PHACTR4: variants seen among roughly 807,000 people sequenced by gnomAD.
The protein encoded by PHACTR4 is phosphatase and actin regulator 4.
PHACTR4 carries 51 observed loss-of-function variants against 72.7 expected under a neutral mutation model. The ratio of observed to expected loss-of-function variants is 0.70; its 90% confidence interval spans 0.56 to 0.89. The LOEUF (loss-of-function observed/expected upper bound fraction) is 0.89. Among genes scored for constraint, PHACTR4 ranks in the 40% least tolerant of loss-of-function variants. The pLI is 0.00. For missense variants in PHACTR4, 731 were observed against 861.8 expected (o/e 0.85, Z 1.90); for synonymous variants, 255 against 302.5 (o/e 0.84, Z 1.63).
Position 28,466,704 on chromosome 1 carries a change from C to G in PHACTR4, c.759C>G (p.Val253=). Residue 253 remains valine, a synonymous_variant, in exon 6 of 14, where the codon GTC becomes GTG. Transcript: ENST00000373839. ...CTACCCCAAGCCTCACTCATATGGTCCCTGCCAAGCAGCCCCCTATCCCTC... is the reference window on the plus strand; with the variant it reads ...CTACCCCAAGCCTCACTCATATGGTGCCTGCCAAGCAGCCCCCTATCCCTC... ...TTATPSLTHM[V]PAKQPPIPPP... 6.2e-7 allele frequency: 1 copy of G among 1,614,046 alleles called. No homozygotes were observed. The highest frequency in any genetic ancestry group is 8.5e-7 in the Non-Finnish European group (1 of 1,180,014).
chr1:28,371,005 G>A (rs1651204220), intron 1 of PHACTR4, among the ~76,000 whole-genome samples: 1 of 152,202 alleles, frequency 6.6e-6, no homozygotes, highest in African/African-American at 2.4e-5. Context: ...GGAAACCGCG[G>A]AACTGCGTGG....
intron 2 of PHACTR4, among the ~76,000 whole-genome samples, chr1:28,419,473 T>C (rs1003684699): frequency 2.6e-5 from 4 of 151,988 alleles, no homozygotes; most frequent in Non-Finnish European, 5.9e-5. Context: ...GTGATACATG[T>C]ATGTGTGTGT....
chr1:28,412,991 C>A (rs1048697676), intron 2 of PHACTR4, among the ~76,000 whole-genome samples: 1 of 152,178 alleles, frequency 6.6e-6, no homozygotes, highest in Non-Finnish European at 1.5e-5. Flanking sequence ...GGCCAGTGAG[C>A]ATTACAGTCT....
At chr1:28,432,359 ATC>A (rs1157708864) in intron 2 of PHACTR4, among the ~76,000 whole-genome samples, 2 of 147,448 alleles carry the variant, frequency 1.4e-5, no homozygotes. Flanking sequence ...AGGCTAGAGG[ATC>A]TCTCTCTCTC....
intron 1 of PHACTR4, among the ~76,000 whole-genome samples, chr1:28,380,590 T>C (rs1443105941): frequency 6.6e-6 from 1 of 152,116 alleles, no homozygotes; most frequent in African/African-American, 2.4e-5. Flanking sequence ...TTGGAACATG[T>C]GATATTTGTT....
chr1:28,419,361 C>G (rs1655350806), intron 2 of PHACTR4, among the ~76,000 whole-genome samples: 1 of 151,768 alleles, frequency 6.6e-6, no homozygotes, highest in African/African-American at 2.4e-5. Flanking sequence ...ATTGCAATAT[C>G]TAAGGATTAT....
chr1:28,472,757 C>T (rs1659641911), intron 6 of PHACTR4, among the ~76,000 whole-genome samples: 1 of 151,206 alleles, frequency 6.6e-6, no homozygotes, highest in Non-Finnish European at 1.5e-5. Flanking sequence ...GTGCCCACCA[C>T]CACACCTAGC....
intron 2 of PHACTR4, among the ~76,000 whole-genome samples, chr1:28,439,793 T>C (rs1656870518): frequency 6.6e-6 from 1 of 152,196 alleles, no homozygotes. Flanking sequence ...ATTTGATAAA[T>C]AACTCACTTT....
At chr1:28,437,482 G>A (rs1656706448) in intron 2 of PHACTR4, among the ~76,000 whole-genome samples, 1 of 152,034 alleles carries the variant, frequency 6.6e-6, no homozygotes, top group Non-Finnish European at 1.5e-5. Context: ...CTTCAGCCTT[G>A]GCCTCCCAAA....
chr1:28,410,545 A>T (rs1208432195), intron 2 of PHACTR4, among the ~76,000 whole-genome samples: 1 of 152,190 alleles, frequency 6.6e-6, no homozygotes, highest in Non-Finnish European at 1.5e-5. Flanking sequence ...TTAACCTTAA[A>T]TATAACTTAA....
At chr1:28,402,006 G>C (rs1653979615) in intron 1 of PHACTR4, among the ~76,000 whole-genome samples, 1 of 152,230 alleles carries the variant, frequency 6.6e-6, no homozygotes, top group Non-Finnish European at 1.5e-5. Context: ...AGTCTAGCAA[G>C]AGATGGTGAT....
chr1:28,444,094 GCTA>G (rs1363240184), intron 2 of PHACTR4, among the ~76,000 whole-genome samples: 1 of 151,542 alleles, frequency 6.6e-6, no homozygotes. Context: ...ACCAGCACTG[GCTA>G]CTTTTTGTCT....
intron 2 of PHACTR4, 86 bp from the exon 3 acceptor site, chr1:28,458,999 C>A: frequency 8.0e-7 from 1 of 1,252,756 alleles, no homozygotes; most frequent in Non-Finnish European, 1.1e-6. Context: ...TTCCAACTAC[C>A]ACAGGAAGAG....
Position 28,376,493 on chromosome 1 carries a change from T to C in PHACTR4, c.-39+6668T>C, listed in dbSNP as rs1250679158. ...ACCATGCCTGGCTAATTTTTTCTTTTTTTTTTTTTTCTTTTAGTAGAGACA... is the reference window on the plus strand; with the variant it reads ...ACCATGCCTGGCTAATTTTTTCTTTCTTTTTTTTTTCTTTTAGTAGAGACA... On this transcript the variant is annotated intron_variant, in intron 1 of 13. Coordinates refer to ENST00000373839, the MANE Select transcript of PHACTR4 (RefSeq NM_001048183.3). Among the ~76,000 whole-genome samples, 3 of 150,442 alleles carry C rather than the reference T, an allele frequency of 2.0e-5. No homozygotes were observed. In the East Asian group the frequency reaches 5.9e-4, roughly 30 times the overall value.
chr1:28,428,847 C>G (rs1353784678), intron 2 of PHACTR4, among the ~76,000 whole-genome samples: 1 of 152,184 alleles, frequency 6.6e-6, no homozygotes, highest in Non-Finnish European at 1.5e-5. Context: ...ATCCTCATAA[C>G]TCTATGAGCA....
intron 2 of PHACTR4, among the ~76,000 whole-genome samples, chr1:28,430,171 C>A (rs1028168229): frequency 1.3e-5 from 2 of 151,954 alleles, no homozygotes; most frequent in Admixed American, 6.6e-5. Flanking sequence ...TACAGGCACC[C>A]GCCACCACAC....
At chr1:28,438,410 C>G (rs200866975) in intron 2 of PHACTR4, 1 of 1,612,518 alleles carries the variant, frequency 6.2e-7, no homozygotes, top group Non-Finnish European at 8.5e-7. Flanking sequence ...GTCTCCAGAC[C>G]GGTAAATCCA....
chr1:28,454,062 ATT>A, intron 2 of PHACTR4: 1 of 260,016 alleles, frequency 3.8e-6, no homozygotes, highest in Non-Finnish European at 7.4e-6. Flanking sequence ...TTAAAAAAAA[ATT>A]TTTTTTTTAA....
rs1271166939 is a variant in PHACTR4 at position 28,482,117 on chromosome 1, C to T, written c.1760+1513C>T. On this transcript the variant is annotated intron_variant, in intron 9 of 13. Coordinates refer to ENST00000373839, the MANE Select transcript of PHACTR4 (RefSeq NM_001048183.3). ...TTCACCATGTTGGCCAGGCTGGTCT[C>T]GATCTCCTGACTCAGGTGATCTGCC... is the stretch of plus-strand genomic sequence containing the variant. Among the ~76,000 whole-genome samples the T allele has an allele frequency of 1.1e-4, 16 of 152,060 alleles. No homozygotes were observed. The East Asian group carries it at 1.7e-3, about 17-fold the overall frequency.
Sources: gnomAD v4.1 joint callset for allele counts (sites outside exome capture counted in the v4.1 genomes callset) on GRCh38, gnomAD v4.1.1 for gene constraint, MANE v1.5 for transcripts, NCBI Gene and HGNC (gene_info 2026-07-23, HGNC 2026-07-21) for gene names.